Variants in FAF1 observed in about 807,000 individuals in gnomAD.
FAF1 encodes the protein FAS-associated factor 1.
FAF1 carries 25 observed loss-of-function variants against 92.5 expected under a neutral mutation model. The ratio of observed to expected loss-of-function variants is 0.27; its 90% CI spans 0.20 to 0.38. The LOEUF (loss-of-function observed/expected upper bound fraction) is 0.38, where lower values mean the gene tolerates loss of function less well. Among genes scored for constraint, FAF1 ranks in the 10% least tolerant of loss-of-function variants. The pLI is 1.00. For synonymous variants in FAF1, 234 were observed against 273.2 expected (o/e 0.86, Z 1.42); for missense variants, 636 against 793.3 (o/e 0.80, Z 2.38).
intron 1 of FAF1, among the ~76,000 whole-genome samples, chr1:50,935,357 C>G (rs781407037): frequency 3.3e-4 from 50 of 152,282 alleles, no homozygotes; most frequent in Non-Finnish European, 6.0e-4. Flanking sequence ...GATAACTTGA[C>G]TAGCATGTCA....
At chr1:50,801,010 T>C (rs1411520771) in intron 3 of FAF1, among the ~76,000 whole-genome samples, 3 of 152,252 alleles carry the variant, frequency 2.0e-5, no homozygotes, top group Admixed American at 2.0e-4. Flanking sequence ...ACAAAAGTTA[T>C]GAATTTATTT....
intron 1 of FAF1, among the ~76,000 whole-genome samples, chr1:50,884,969 C>T (rs963807720): frequency 5.3e-5 from 8 of 152,082 alleles, no homozygotes; most frequent in Non-Finnish European, 1.0e-4. Context: ...TTGGTCTCTT[C>T]AGGTTTTAGA....
intron 8 of FAF1, among the ~76,000 whole-genome samples, chr1:50,596,773 G>A (rs1651841152): frequency 6.6e-6 from 1 of 152,140 alleles, no homozygotes; most frequent in Non-Finnish European, 1.5e-5. Context: ...CGACAGATTA[G>A]CCTTAAATAA....
chr1:50,717,723 T>C (rs904872309), intron 6 of FAF1, among the ~76,000 whole-genome samples: 3 of 152,134 alleles, frequency 2.0e-5, no homozygotes, highest in Non-Finnish European at 4.4e-5. Context: ...AAGACCTGGC[T>C]GGGAATGGTG....
intron 4 of FAF1, among the ~76,000 whole-genome samples, chr1:50,746,265 TATATATATATATATATATATATA>T (rs1659589647): frequency 2.5e-4 from 5 of 20,184 alleles, no homozygotes; most frequent in African/African-American, 4.6e-4. Flanking sequence ...TATATATATA[TATATATATATATATATATATATA>T]TATATTTTTT....
intron 8 of FAF1, among the ~76,000 whole-genome samples, chr1:50,655,092 T>C (rs1655045497): frequency 6.6e-6 from 1 of 151,416 alleles, no homozygotes; most frequent in African/African-American, 2.4e-5. Context: ...TATCTCAACC[T>C]CCTGAGTAGT....
chr1:50,743,241 T>G (rs775440103), intron 5 of FAF1, among the ~76,000 whole-genome samples: 17 of 152,350 alleles, frequency 1.1e-4, no homozygotes, highest in Non-Finnish European at 2.5e-4. Context: ...AACTCATATA[T>G]AAGTACTTAT....
chr1:50,744,642 T>C (rs1297637359), intron 5 of FAF1, 42 bp downstream of exon 5: 3 of 1,299,594 alleles, frequency 2.3e-6, no homozygotes, highest in Non-Finnish European at 3.3e-6. Flanking sequence ...ATCAATGGCA[T>C]AACTTAATTT....
At chr1:50,896,207 C>G (rs1184681124) in intron 1 of FAF1, among the ~76,000 whole-genome samples, 1 of 152,112 alleles carries the variant, frequency 6.6e-6, no homozygotes, top group Non-Finnish European at 1.5e-5. Context: ...GTCACCTGAG[C>G]CCGGGAGGTT....
At chr1:50,812,445 T>C (rs983384195) in intron 2 of FAF1, among the ~76,000 whole-genome samples, 2 of 152,060 alleles carry the variant, frequency 1.3e-5, no homozygotes, top group African/African-American at 2.4e-5. Flanking sequence ...AAAGAAGACA[T>C]ACATGCAGCC....
intron 8 of FAF1, among the ~76,000 whole-genome samples, chr1:50,631,441 A>T (rs1308361553): frequency 1.3e-5 from 2 of 152,312 alleles, no homozygotes; most frequent in Admixed American, 6.5e-5. Flanking sequence ...CAGATTTATC[A>T]GATTGACTGT....
intron 15 of FAF1, among the ~76,000 whole-genome samples, chr1:50,511,594 T>A (rs1647135126): frequency 6.6e-6 from 1 of 152,244 alleles, no homozygotes; most frequent in Non-Finnish European, 1.5e-5. Context: ...TTTTTATGGC[T>A]GCATAATATC....
intron 2 of FAF1, among the ~76,000 whole-genome samples, chr1:50,810,959 C>A (rs1292913497): frequency 6.6e-6 from 1 of 152,030 alleles, no homozygotes; most frequent in Non-Finnish European, 1.5e-5. Context: ...GCAGGAGAAT[C>A]GCTTAAGCCT....
intron 15 of FAF1, among the ~76,000 whole-genome samples, chr1:50,496,766 G>A (rs1018254475): frequency 5.9e-5 from 9 of 152,106 alleles, no homozygotes; most frequent in East Asian, 1.9e-4. Context: ...GCACATGCCC[G>A]TAATCCCAGC....
intron 1 of FAF1, among the ~76,000 whole-genome samples, chr1:50,912,823 AC>A (rs1418766532): frequency 1.3e-5 from 2 of 152,200 alleles, no homozygotes; most frequent in East Asian, 3.8e-4. Flanking sequence ...TTCTTAAATA[AC>A]TTTTCTTTAA....
intron 15 of FAF1, among the ~76,000 whole-genome samples, chr1:50,518,710 G>A (rs1647331934): frequency 6.6e-6 from 1 of 152,080 alleles, no homozygotes; most frequent in African/African-American, 2.4e-5. Context: ...ACAGTGCTGG[G>A]ATTACAGGCA....
intron 1 of FAF1, among the ~76,000 whole-genome samples, chr1:50,875,103 AT>A (rs1453792463): frequency 6.6e-6 from 1 of 151,676 alleles, no homozygotes; most frequent in Non-Finnish European, 1.5e-5. Flanking sequence ...AGAATACTGA[AT>A]TTTTTTGTTT....
chr1:50,459,519 G>T (rs1384328837), intron 18 of FAF1, among the ~76,000 whole-genome samples: 1 of 152,008 alleles, frequency 6.6e-6, no homozygotes, highest in African/African-American at 2.4e-5. Context: ...CATCTTTTTA[G>T]TTGTTCAGGC....
At chr1:50,770,875 A>C (rs1660752005) in intron 4 of FAF1, among the ~76,000 whole-genome samples, 1 of 152,234 alleles carries the variant, frequency 6.6e-6, no homozygotes, top group South Asian at 2.1e-4. Flanking sequence ...ACAAGGCTGC[A>C]GTAACCATAA....
Sources: allele counts gnomAD v4.1 joint callset (sites outside exome capture counted in the v4.1 genomes callset), GRCh38; gene constraint gnomAD v4.1.1; transcripts MANE v1.5; gene names NCBI Gene and HGNC (gene_info 2026-07-23, HGNC 2026-07-21).